Variants in FAM163B observed in about 807,000 individuals in gnomAD.
FAM163B encodes the protein family with sequence similarity 163 member B, also known as protein FAM163B.
A neutral mutation model predicts 7.6 loss-of-function variants in FAM163B; 4 were observed. The ratio of observed to expected loss-of-function variants is 0.52; its 90% CI spans 0.26 to 1.20. The LOEUF (loss-of-function observed/expected upper bound fraction) is 1.20. Among genes scored for constraint, FAM163B ranks in the 50% most tolerant of loss-of-function variants. FAM163B has a pLI of 0.14. For missense variants in FAM163B, 250 were observed against 243.0 expected (o/e 1.03, Z -0.19); for synonymous variants, 120 against 111.6 (o/e 1.07, Z -0.47).
intron 1 of FAM163B, among the ~76,000 whole-genome samples, chr9:133,581,606 G>T (rs1047304436): frequency 6.6e-6 from 1 of 152,268 alleles, no homozygotes; most frequent in Non-Finnish European, 1.5e-5. Context: ...TTTTGCTCTA[G>T]AACAGCTCAA....
chr9:133,579,109 G>T lies in FAM163B; in HGVS notation c.414C>A (p.Phe138Leu). 6.2e-7 allele frequency: 1 copy of T among 1,600,204 alleles called. No individual in the cohort carries two copies. Among genetic ancestry groups the T allele is most frequent in the Non-Finnish European group, 8.5e-7 (1 of 1,174,192 alleles). The change falls in exon 3 of 3, where the codon TTC becomes TTA. Residue 138 changes from phenylalanine to leucine, a missense_variant. Coordinates refer to ENST00000673969, the MANE Select transcript of FAM163B (RefSeq NM_001080515.3). ...QEDVELPPGG[F>L]GGLQALNPNR... ...TGGGGTTGAGCGCCTGCAGGCCCCC[G>T]AAGCCCCCCGGGGGCAGCTCCACGT...
chr9:133,606,856 C>T lies in FAM163B; in HGVS notation c.-24+2221G>A, dbSNP rs551399139. Among the ~76,000 whole-genome samples the T allele has an allele frequency of 2.1e-4, 32 of 152,304 alleles. No individual in the cohort carries two copies. Among genetic ancestry groups the T allele is most frequent in the African/African-American group, 7.7e-4 (32 of 41,568 alleles). On this transcript the variant is annotated intron_variant, in intron 1 of 2. Coordinates refer to ENST00000673969, the MANE Select transcript of FAM163B (RefSeq NM_001080515.3). The surrounding 1 kb of genome is among the most constrained non-coding windows in gnomAD (Gnocchi z 4.0). ...GCTGTAATTATTCCTCGCTGGAGCCCGCTGCCATGAGGCTGCAGAGGCAGG... is the reference window on the plus strand; with the variant it reads ...GCTGTAATTATTCCTCGCTGGAGCCTGCTGCCATGAGGCTGCAGAGGCAGG...
In FAM163B at chr9:133,579,906, C is replaced by T. The variant is rs375326668; in HGVS notation, c.93+225G>A. Among the ~76,000 whole-genome samples the T allele has an allele frequency of 3.1e-3, 478 of 152,344 alleles. 11 individuals carry two copies. The East Asian group carries it at 0.075, about 24-fold the overall frequency. Reference sequence around the variant, plus strand: ...TGGTGCCCTTGGCTAAGTCCCTTCCCGTCTCTGAGCCTCTTTATAAGCTCT... The same window carrying T: ...TGGTGCCCTTGGCTAAGTCCCTTCCTGTCTCTGAGCCTCTTTATAAGCTCT... On this transcript the variant is annotated intron_variant, in intron 2 of 2. Transcript: ENST00000673969.
intron 1 of FAM163B, among the ~76,000 whole-genome samples, chr9:133,604,059 C>T (rs1049567918): frequency 6.6e-6 from 1 of 152,216 alleles, no homozygotes; most frequent in Non-Finnish European, 1.5e-5. Context: ...CCAGGCTGGT[C>T]TCAAACTCCT....
chr9:133,608,898 G>T (rs1203795494), intron 1 of FAM163B, among the ~76,000 whole-genome samples, 179 bp downstream of exon 1: 1 of 152,250 alleles, frequency 6.6e-6, no homozygotes. Context: ...CCTCCTCGGG[G>T]ATGCGCTTTG....
rs927067707 is a variant in FAM163B, at chr9:133,579,102, G to T, written c.421C>A (p.Leu141Met). 1.0e-5 allele frequency: 16 copies of T among 1,602,966 alleles called. No individual in the cohort carries two copies. Among genetic ancestry groups the T allele is most frequent in the Non-Finnish European group, 1.4e-5 (16 of 1,177,326 alleles). ...VELPPGGFGGLQALNPNRLSA... is the reference protein window; with the variant it reads ...VELPPGGFGGMQALNPNRLSA... Reference sequence around the variant, plus strand: ...AGGCGGTTGGGGTTGAGCGCCTGCAGGCCCCCGAAGCCCCCCGGGGGCAGC... The same window carrying T: ...AGGCGGTTGGGGTTGAGCGCCTGCATGCCCCCGAAGCCCCCCGGGGGCAGC... The change falls in exon 3 of 3, where the codon CTG becomes ATG. Residue 141 changes from leucine (L) to methionine (M), a missense_variant. Transcript: ENST00000673969.
rs141253054 is a variant in FAM163B, at chr9:133,597,676, A to C, written c.-24+11401T>G. Reference sequence around the variant, plus strand: ...CAAGAAACAAGAAGAAAACAACACCAGGGAACATTATAATCAAATTGCTTA... The same window carrying C: ...CAAGAAACAAGAAGAAAACAACACCCGGGAACATTATAATCAAATTGCTTA... On this transcript the variant is annotated intron_variant, in intron 1 of 2. Transcript: ENST00000673969. Among the ~76,000 whole-genome samples, 6 of 152,298 alleles carry C rather than the reference A, an allele frequency of 3.9e-5. No homozygotes were observed. The East Asian group carries it at 1.2e-3, about 29-fold the overall frequency.
chr9:133,595,490 G>A (rs539107092), intron 1 of FAM163B, among the ~76,000 whole-genome samples: 20 of 152,312 alleles, frequency 1.3e-4, no homozygotes, highest in African/African-American at 3.9e-4. Flanking sequence ...CTGCTGGTGC[G>A]GCATCCTCGG....
chr9:133,603,278 C>G (rs1489038124), intron 1 of FAM163B, among the ~76,000 whole-genome samples: 1 of 152,210 alleles, frequency 6.6e-6, no homozygotes, highest in Non-Finnish European at 1.5e-5. Flanking sequence ...GCTGTGGGTC[C>G]AATGCATACC....
intron 1 of FAM163B, among the ~76,000 whole-genome samples, chr9:133,592,745 A>G: frequency 6.6e-6 from 1 of 152,204 alleles, no homozygotes; most frequent in Non-Finnish European, 1.5e-5. Context: ...GCTTGTTAAA[A>G]TGCAGAGTTC....
intron 1 of FAM163B, among the ~76,000 whole-genome samples, chr9:133,599,653 TTG>T (rs1459552933): frequency 2.6e-5 from 4 of 151,500 alleles, no homozygotes; most frequent in East Asian, 2.0e-4. Context: ...CATGTGTTAG[TTG>T]TGTCTGTGTA....
rs60481137 is a variant in FAM163B at position 133,600,079 on chromosome 9, GTC to G, written c.-24+8996_-24+8997del. On this transcript the variant is annotated intron_variant, in intron 1 of 2. Transcript: ENST00000673969. The surrounding 1 kb of genome is among the most constrained non-coding windows in gnomAD (Gnocchi z 4.9). Reference sequence around the variant, plus strand: ...TGAGTTTGTGTGTGCATGTGTGTGTGTCTGTGTGCATGTGTGCCTCTGAATGT... The same window carrying G: ...TGAGTTTGTGTGTGCATGTGTGTGTGTGTGTGCATGTGTGCCTCTGAATGT... 0.099 allele frequency among the ~76,000 whole-genome samples: 14,920 copies of G among 150,638 alleles called. 1,618 individuals are homozygous for G. Among genetic ancestry groups the G allele is most frequent in the African/African-American group, 0.27 (11,086 of 40,552 alleles).
intron 1 of FAM163B, among the ~76,000 whole-genome samples, chr9:133,592,729 C>G (rs776149451): frequency 3.9e-5 from 6 of 152,206 alleles, no homozygotes; most frequent in Admixed American, 6.5e-5. Context: ...TCAGCATCAA[C>G]TGGGAGCTTG....
At chr9:133,591,035 T>C (rs1428160932) in intron 1 of FAM163B, among the ~76,000 whole-genome samples, 1 of 152,214 alleles carries the variant, frequency 6.6e-6, no homozygotes, top group African/African-American at 2.4e-5. Context: ...AGGCAGGCTC[T>C]GGATAGGGCA....
chr9:133,583,086 G>A (rs1831380364), intron 1 of FAM163B, among the ~76,000 whole-genome samples: 1 of 152,198 alleles, frequency 6.6e-6, no homozygotes, highest in South Asian at 2.1e-4. Flanking sequence ...CTTCATCAAT[G>A]AGGGCACTCA....
chr9:133,599,436 C>CTG (rs1257119850), intron 1 of FAM163B, among the ~76,000 whole-genome samples: 1 of 152,084 alleles, frequency 6.6e-6, no homozygotes, highest in Non-Finnish European at 1.5e-5. Context: ...GTGTTTGCAT[C>CTG]TGTGTGTGTC....
At chr9:133,603,395 G>T (rs2131263507) in intron 1 of FAM163B, among the ~76,000 whole-genome samples, 1 of 152,302 alleles carries the variant, frequency 6.6e-6, no homozygotes, top group African/African-American at 2.4e-5. Context: ...ACCGCAGAGG[G>T]TCTGCACGGC....
At chr9:133,580,822 G>A (rs1831345315) in intron 1 of FAM163B, among the ~76,000 whole-genome samples, 1 of 152,164 alleles carries the variant, frequency 6.6e-6, no homozygotes. Flanking sequence ...CCATTTGTAC[G>A]TGTGCGGCTT....
chr9:133,599,943 GC>G, intron 1 of FAM163B, among the ~76,000 whole-genome samples: 1 of 147,094 alleles, frequency 6.8e-6, no homozygotes, highest in South Asian at 2.3e-4. Flanking sequence ...TGGTCTATGT[GC>G]ATATGTGTGT....
Sources: allele counts gnomAD v4.1 joint callset (sites outside exome capture counted in the v4.1 genomes callset), GRCh38; gene constraint gnomAD v4.1.1; non-coding constraint Gnocchi (gnomAD v3.1); transcripts MANE v1.5; gene names NCBI Gene and HGNC (gene_info 2026-07-23, HGNC 2026-07-21).